UBE2E2: variants seen among roughly 807,000 people sequenced by gnomAD.
UBE2E2 encodes the protein ubiquitin-conjugating enzyme E2 E2.
In UBE2E2, 6 loss-of-function variants were observed where a neutral mutation model predicts 24.7. The observed-to-expected ratio is 0.24, with a 90% CI of 0.13 to 0.48. The LOEUF is 0.48. Ranked by LOEUF, UBE2E2 falls within the 20% of genes least tolerant of loss-of-function variation. The pLI is 0.99. For missense variants in UBE2E2, 169 were observed against 245.0 expected, an observed-to-expected ratio of 0.69 and a Z score of 2.07; for synonymous variants, 104 against 83.6, an observed-to-expected ratio of 1.24 and a Z score of -1.33.
chr3:23,526,931 T>C (rs1404721344), intron 4 of UBE2E2, among the ~76,000 whole-genome samples: 1 of 152,216 alleles, frequency 6.6e-6, no homozygotes, highest in Non-Finnish European at 1.5e-5. Context: ...CCAGTTATAC[T>C]TTGGTTTTAA....
chr3:23,396,319 G>A (rs199503956), intron 3 of UBE2E2, among the ~76,000 whole-genome samples: 29 of 89,702 alleles, frequency 3.2e-4, no homozygotes, highest in East Asian at 1.2e-3. Flanking sequence ...ATATATATAT[G>A]TATATATATA....
rs1260612232 is a variant in UBE2E2 at position 23,252,187 on chromosome 3, T to C, written c.227+34875T>C. Reference sequence around the variant, plus strand: ...TTACAAGTTGTGTATACATACATATTTTCCTGTTGAAGACTTGATGACTGA... The same window carrying C: ...TTACAAGTTGTGTATACATACATATCTTCCTGTTGAAGACTTGATGACTGA... On this transcript the variant is annotated intron_variant, in intron 3 of 5. Transcript: ENST00000396703. Among the ~76,000 whole-genome samples, 4 of 152,224 alleles carry C rather than the reference T, an allele frequency of 2.6e-5. No individual in the cohort carries two copies. The East Asian group carries it at 7.7e-4, about 29-fold the overall frequency.
chr3:23,523,007 C>G lies in UBE2E2; in HGVS notation c.361-9547C>G, dbSNP rs187161182. ...ATACCATTTCTGAAACTTAAAAAAA[C>G]AGAACAAGTCAAGAGACAAAATAAT... On this transcript the variant is annotated intron_variant, in intron 4 of 5. Transcript: ENST00000396703. 4.2e-3 allele frequency among the ~76,000 whole-genome samples: 629 copies of G among 150,836 alleles called. 5 individuals carry two copies. Among genetic ancestry groups the G allele is most frequent in the Admixed American group, 0.01 (155 of 15,176 alleles).
intron 2 of UBE2E2, among the ~76,000 whole-genome samples, chr3:23,216,458 T>C (rs560444644): frequency 6.6e-6 from 1 of 152,280 alleles, no homozygotes; most frequent in South Asian, 2.1e-4. Context: ...AACCCCATAT[T>C]TAAGAACCAA....
In UBE2E2 at chr3:23,217,324, T is replaced by C. The variant is rs1208909847; in HGVS notation, c.227+12T>C. 1.2e-6 allele frequency: 2 copies of C among 1,611,496 alleles called. No individual in the cohort carries two copies. The highest frequency in any genetic ancestry group is 1.3e-5 in the African/African-American group (1 of 74,834). On this transcript the variant is annotated intron_variant, in intron 3 of 5. Coordinates refer to ENST00000396703, the MANE Select transcript of UBE2E2 (RefSeq NM_152653.4). ...CCTCCCAACTGTAGGTAAGTACTCATGGTTTTTTATTTACTTGTATCTTTT... is the reference window on the plus strand; with the variant it reads ...CCTCCCAACTGTAGGTAAGTACTCACGGTTTTTTATTTACTTGTATCTTTT...
At chr3:23,563,562 T>A (rs1347762014) in intron 5 of UBE2E2, among the ~76,000 whole-genome samples, 1 of 152,008 alleles carries the variant, frequency 6.6e-6, no homozygotes, top group Non-Finnish European at 1.5e-5. Flanking sequence ...GGGTGGAGAG[T>A]TCTGTAGATG....
chr3:23,350,543 G>T (rs1368147844), intron 3 of UBE2E2, among the ~76,000 whole-genome samples: 2 of 152,026 alleles, frequency 1.3e-5, no homozygotes, highest in Non-Finnish European at 2.9e-5. Context: ...GTGCTTAAAG[G>T]AGCTGATGGA....
rs143066137 is a variant in UBE2E2, at chr3:23,545,613, T to C, written c.508+12912T>C. Among the ~76,000 whole-genome samples, 641 of 152,226 alleles carry C rather than the reference T, an allele frequency of 4.2e-3. 5 individuals are homozygous for C. Among genetic ancestry groups the C allele is most frequent in the African/African-American group, 0.015 (611 of 41,526 alleles). On this transcript the variant is annotated intron_variant, in intron 5 of 5. Coordinates refer to ENST00000396703, the MANE Select transcript of UBE2E2 (RefSeq NM_152653.4). ...ACAGACACAGTAACAATCTGATCTT[T>C]CTTTTCCCCACAAGATCTACCATTC...
chr3:23,535,517 A>G (rs547766330), intron 5 of UBE2E2, among the ~76,000 whole-genome samples: 2 of 152,204 alleles, frequency 1.3e-5, no homozygotes, highest in East Asian at 1.9e-4. Flanking sequence ...TGCACCAGCA[A>G]TAATCATTCT....
chr3:23,217,432 G>T, intron 3 of UBE2E2, 120 bp downstream of exon 3: 1 of 875,636 alleles, frequency 1.1e-6, no homozygotes, highest in Non-Finnish European at 1.8e-6. Flanking sequence ...ATTGTTGTTT[G>T]AACTTAAGTG....
At chr3:23,505,464 T>C (rs1694424190) in intron 4 of UBE2E2, among the ~76,000 whole-genome samples, 1 of 152,238 alleles carries the variant, frequency 6.6e-6, no homozygotes, top group African/African-American at 2.4e-5. Flanking sequence ...ATGCACAGGT[T>C]AGACATGCTG....
intron 3 of UBE2E2, among the ~76,000 whole-genome samples, chr3:23,286,303 T>C (rs1698613406): frequency 6.6e-6 from 1 of 152,126 alleles, no homozygotes; most frequent in African/African-American, 2.4e-5. Context: ...GGTATAATAG[T>C]TTCATTTTGA....
At chr3:23,221,051 A>G (rs1696622689) in intron 3 of UBE2E2, among the ~76,000 whole-genome samples, 1 of 152,194 alleles carries the variant, frequency 6.6e-6, no homozygotes, top group South Asian at 2.1e-4. Context: ...CTACTGCTAA[A>G]GTTTGTATTA....
chr3:23,401,384 A>T (rs1256230112), intron 3 of UBE2E2, among the ~76,000 whole-genome samples: 1 of 152,200 alleles, frequency 6.6e-6, no homozygotes, highest in African/African-American at 2.4e-5. Context: ...TTACCTTACA[A>T]TCTTTAATTC....
chr3:23,415,283 A>T (rs554005256), intron 3 of UBE2E2, among the ~76,000 whole-genome samples: 1 of 152,340 alleles, frequency 6.6e-6, no homozygotes, highest in African/African-American at 2.4e-5. Flanking sequence ...CTAACTAGCC[A>T]TTCCTGGAGT....
chr3:23,221,359 C>T (rs1696634110), intron 3 of UBE2E2, among the ~76,000 whole-genome samples: 1 of 152,086 alleles, frequency 6.6e-6, no homozygotes, highest in South Asian at 2.1e-4. Context: ...TTAGTATAGT[C>T]TCGGAGTTTT....
chr3:23,221,285 T>C (rs1467202252), intron 3 of UBE2E2, among the ~76,000 whole-genome samples: 1 of 152,226 alleles, frequency 6.6e-6, no homozygotes, highest in Non-Finnish European at 1.5e-5. Context: ...TTTAATTTTG[T>C]CTTTTATTTG....
chr3:23,446,740 G>A (rs1297835199), intron 3 of UBE2E2, among the ~76,000 whole-genome samples: 4 of 131,960 alleles, frequency 3.0e-5, no homozygotes, highest in African/African-American at 1.2e-4. Flanking sequence ...GTCATAAAAG[G>A]TATAGAAAGA....
intron 3 of UBE2E2, among the ~76,000 whole-genome samples, chr3:23,382,971 G>A (rs1005733841): frequency 8.5e-5 from 13 of 152,122 alleles, no homozygotes; most frequent in African/African-American, 3.1e-4. Context: ...TGTAATGTAC[G>A]TTAAGGAGCT....
Sources: gnomAD v4.1 joint callset for allele counts (sites outside exome capture counted in the v4.1 genomes callset) on GRCh38, gnomAD v4.1.1 for gene constraint, MANE v1.5 for transcripts, NCBI Gene and HGNC (gene_info 2026-07-23, HGNC 2026-07-21) for gene names.